Variants in PTPRD observed in about 807,000 individuals in gnomAD.
The protein encoded by PTPRD is receptor-type tyrosine-protein phosphatase delta.
A neutral mutation model predicts 214.5 loss-of-function variants in PTPRD; 34 were observed. The observed-to-expected ratio is 0.16, with a 90% CI of 0.12 to 0.21. PTPRD has a LOEUF of 0.21. Among genes scored for constraint, PTPRD ranks in the 10% least tolerant of loss-of-function variants. The pLI, the probability that PTPRD is intolerant of heterozygous loss-of-function variation, is 1.00. For missense variants in PTPRD, 2,545 were observed against 2,398.7 expected (o/e 1.06, Z -1.27); for synonymous variants, 1,128 against 845.7 (o/e 1.33, Z -5.79).
intron 9 of PTPRD, among the ~76,000 whole-genome samples, chr9:9,287,885 T>C (rs1239473456): frequency 3.3e-5 from 5 of 151,788 alleles, no homozygotes. Flanking sequence ...TAAAAATGAG[T>C]TCATTTATTA....
chr9:9,898,180 G>C (rs1447025456), intron 5 of PTPRD, among the ~76,000 whole-genome samples: 1 of 152,012 alleles, frequency 6.6e-6, no homozygotes, highest in Non-Finnish European at 1.5e-5. Context: ...GATAAACTAG[G>C]TCATTAATAT....
At chr9:9,743,682 G>A (rs1398419364) in intron 6 of PTPRD, among the ~76,000 whole-genome samples, 1 of 147,962 alleles carries the variant, frequency 6.8e-6, no homozygotes, top group Non-Finnish European at 1.5e-5. Flanking sequence ...ACACTCCTTT[G>A]GCACCCCATA....
chr9:8,680,113 A>G (rs1031059582), intron 12 of PTPRD, among the ~76,000 whole-genome samples: 4 of 151,800 alleles, frequency 2.6e-5, no homozygotes, highest in African/African-American at 4.9e-5. Context: ...AATTACACAT[A>G]TATCATTTTG....
rs199555081 is a variant in PTPRD at position 9,091,313 on chromosome 9, TA to T, written c.-142-72579del. ...GAAAAATAAAATGGAAATTGTACTT[TA>T]AAAAAAAAATTTCTTTAAATAGCTG... On this transcript the variant is annotated intron_variant, in intron 10 of 45. Transcript: ENST00000381196. The T allele has an allele frequency of 7.9e-4, 787 of 995,790 alleles. 1 individual carries two copies. The highest frequency in any genetic ancestry group is 3.9e-3 in the East Asian group (158 of 40,572). 61.7% of individuals were successfully genotyped at this position (995,790 alleles called of 1,614,324 possible). A position where few individuals can be genotyped will look rare whatever the true frequency, so the allele number is the denominator to read the frequency against.
At chr9:8,765,717 C>T (rs1469439922) in intron 11 of PTPRD, among the ~76,000 whole-genome samples, 2 of 152,206 alleles carry the variant, frequency 1.3e-5, no homozygotes, top group African/African-American at 4.8e-5. Flanking sequence ...AGTTGTTAAA[C>T]TTGGCAGCAG....
rs765690802 is a variant in PTPRD at position 10,049,036 on chromosome 9, G to A, written c.-544-15246C>T. Among the ~76,000 whole-genome samples the A allele has an allele frequency of 1.3e-4, 20 of 152,094 alleles. No individual in the cohort carries two copies. In the South Asian group the frequency reaches 1.4e-3, roughly 11 times the overall value. On this transcript the variant is annotated intron_variant, in intron 3 of 45. Transcript: ENST00000381196. ...TGCAGTCCTTGAACTGGATAAAGATGAGGTTTGAGAAAAAAGATGGAGATG... is the reference window on the plus strand; with the variant it reads ...TGCAGTCCTTGAACTGGATAAAGATAAGGTTTGAGAAAAAAGATGGAGATG...
intron 5 of PTPRD, among the ~76,000 whole-genome samples, chr9:9,933,973 T>A (rs953523095): frequency 6.8e-6 from 1 of 146,040 alleles, no homozygotes; most frequent in Non-Finnish European, 1.5e-5. Context: ...TGCTCCTGAA[T>A]GACTACTGGG....
intron 9 of PTPRD, among the ~76,000 whole-genome samples, chr9:9,282,342 A>C (rs1454025992): frequency 1.3e-5 from 2 of 151,272 alleles, no homozygotes; most frequent in Non-Finnish European, 3.0e-5. Flanking sequence ...TTTGGGGGGC[A>C]ATCTGTATTT....
At chr9:9,203,217 C>A (rs1466435070) in intron 9 of PTPRD, among the ~76,000 whole-genome samples, 1 of 151,676 alleles carries the variant, frequency 6.6e-6, no homozygotes. Context: ...GTGACAAGAG[C>A]GAGACTCCAT....
At chr9:8,581,913 CAAAAAAAAAAAAAAA>C (rs36007156) in intron 14 of PTPRD, among the ~76,000 whole-genome samples, 1,027 of 35,030 alleles carry the variant, frequency 0.029, 32 homozygotes, top group African/African-American at 0.079. Flanking sequence ...ACTCAATCTC[CAAAAAAAAAAAAAAA>C]AAAAAAAAAA....
chr9:9,562,477 G>T (rs928604218), intron 8 of PTPRD, among the ~76,000 whole-genome samples: 1 of 152,054 alleles, frequency 6.6e-6, no homozygotes, highest in Admixed American at 6.6e-5. Flanking sequence ...TCCTTCAATG[G>T]CTTCTCACTG....
chr9:9,021,817 G>T (rs190828072), intron 10 of PTPRD, among the ~76,000 whole-genome samples: 57 of 152,194 alleles, frequency 3.7e-4, no homozygotes, highest in African/African-American at 1.2e-3. Flanking sequence ...ATAATACAAA[G>T]AAATATTTTT....
chr9:8,863,072 TAAA>T (rs1004011975), intron 11 of PTPRD, among the ~76,000 whole-genome samples: 1 of 139,880 alleles, frequency 7.1e-6, no homozygotes, highest in Non-Finnish European at 1.5e-5. Context: ...ATAATAATAA[TAAA>T]AAAAAGAAAT....
Position 9,782,003 on chromosome 9 carries a change from A to G in PTPRD, c.-367-15152T>C, listed in dbSNP as rs551004131. Among the ~76,000 whole-genome samples, 3 of 152,252 alleles carry G rather than the reference A, an allele frequency of 2.0e-5. No homozygotes were observed. The South Asian group carries it at 6.2e-4, about 32-fold the overall frequency. On this transcript the variant is annotated intron_variant, in intron 5 of 45. Coordinates refer to ENST00000381196, the MANE Select transcript of PTPRD (RefSeq NM_002839.4). ...GAGGTGGGGTTTCACCGTGTTAACC[A>G]GGATGGTCTCGATCTCCTGACCTTA...
chr9:10,510,903 T>C (rs1364653552), intron 2 of PTPRD, among the ~76,000 whole-genome samples: 1 of 152,118 alleles, frequency 6.6e-6, no homozygotes, highest in Non-Finnish European at 1.5e-5. Flanking sequence ...ATTCACTACC[T>C]CCATGAGATG....
rs192905963 is a variant in PTPRD at position 9,993,168 on chromosome 9, A to G, written c.-472+40550T>C. On this transcript the variant is annotated intron_variant, in intron 4 of 45. Coordinates refer to ENST00000381196, the MANE Select transcript of PTPRD (RefSeq NM_002839.4). ...GTTGGCAAAGATGTGGAGTAACTGG[A>G]ATTCTCATATTCTCCTGGTGGGAGT... Among the ~76,000 whole-genome samples the G allele has an allele frequency of 2.0e-5, 3 of 152,316 alleles. No homozygotes were observed. In the East Asian group the frequency reaches 5.8e-4, roughly 29 times the overall value.
chr9:9,572,307 T>C (rs1232194061), intron 8 of PTPRD, among the ~76,000 whole-genome samples: 1 of 151,326 alleles, frequency 6.6e-6, no homozygotes, highest in Non-Finnish European at 1.5e-5. Context: ...GACACTTCCA[T>C]AATTGGCTAT....
chr9:9,654,139 C>G (rs2096450056), intron 7 of PTPRD, among the ~76,000 whole-genome samples: 1 of 151,978 alleles, frequency 6.6e-6, no homozygotes, highest in Non-Finnish European at 1.5e-5. Flanking sequence ...CCAACCCAGG[C>G]TACATTATAA....
chr9:10,206,135 G>A (rs907974038), intron 3 of PTPRD, among the ~76,000 whole-genome samples: 2 of 151,624 alleles, frequency 1.3e-5, no homozygotes, highest in Non-Finnish European at 2.9e-5. Context: ...TTAGGAGTTT[G>A]CAAGTAGATA....
Sources: gnomAD v4.1 joint callset for allele counts (sites outside exome capture counted in the v4.1 genomes callset) on GRCh38, gnomAD v4.1.1 for gene constraint, MANE v1.5 for transcripts, NCBI Gene and HGNC (gene_info 2026-07-23, HGNC 2026-07-21) for gene names.